Variants in FHIP2A observed in about 807,000 individuals in gnomAD.
The protein encoded by FHIP2A is family with sequence similarity 160 member B1.
In FHIP2A, 46 loss-of-function variants were observed where a neutral mutation model predicts 93.5. That is an observed-to-expected ratio of 0.49 (90% CI 0.39 to 0.63). The LOEUF is 0.63. Among genes scored for constraint, FHIP2A ranks in the 20% least tolerant of loss-of-function variants. The pLI, the probability that FHIP2A is intolerant of heterozygous loss-of-function variation, is 0.00. For synonymous variants in FHIP2A, 332 were observed against 326.5 expected (o/e 1.02, Z -0.18); for missense variants, 769 against 909.7 (o/e 0.85, Z 1.99).
chr10:114,886,804 C>A lies in FHIP2A; in HGVS notation c.2193-12686C>A, dbSNP rs2083945620. ...AGGTGATCTGCCCACCTCAGCCTCC[C>A]AAAGTACTGTGAGCCACTGCACCTG... is the stretch of plus-strand genomic sequence containing the variant. On this transcript the variant is annotated intron_variant, in intron 16 of 16. Transcript: ENST00000369250. Among the ~76,000 whole-genome samples the A allele has an allele frequency of 2.6e-5, 4 of 151,992 alleles. No homozygotes were observed. The South Asian group carries it at 8.3e-4, about 32-fold the overall frequency.
rs1255426497 is a variant in FHIP2A at position 114,846,552 on chromosome 10, G to A, written c.1399-7G>A. ...TTTCAGTTAGCTTTTATCAATTTTG[G>A]TTTCAGATAAGCATAATGACATTAC... On this transcript the variant is annotated splice_polypyrimidine_tract_variant and splice_region_variant and intron_variant, in intron 10 of 16. Coordinates refer to ENST00000369248, the MANE Select transcript of FHIP2A (RefSeq NM_020940.4). The A allele has an allele frequency of 7.0e-6, 11 of 1,573,828 alleles. No homozygotes were observed. The highest frequency in any genetic ancestry group is 9.4e-6 in the Non-Finnish European group (11 of 1,164,180).
intron 16 of FHIP2A, among the ~76,000 whole-genome samples, chr10:114,873,046 C>T (rs1385400923): frequency 1.3e-5 from 2 of 152,210 alleles, no homozygotes; most frequent in African/African-American, 4.8e-5. Context: ...GCAGCACCAC[C>T]TCTAAAGCTG....
intron 5 of FHIP2A, among the ~76,000 whole-genome samples, chr10:114,836,497 G>T (rs1465093869): frequency 6.6e-6 from 1 of 152,126 alleles, no homozygotes; most frequent in Non-Finnish European, 1.5e-5. Context: ...GCTTAAAAGA[G>T]GACAGCTTGA....
chr10:114,867,080 G>A (rs1592028322), downstream of FHIP2A, among the ~76,000 whole-genome samples: 3 of 152,092 alleles, frequency 2.0e-5, no homozygotes, highest in East Asian at 1.9e-4. Flanking sequence ...ATGGTGGCAC[G>A]TGCCTGTAAT....
intron 9 of FHIP2A, 23 bp downstream of exon 9, chr10:114,846,112 A>C: frequency 1.2e-6 from 2 of 1,612,818 alleles, no homozygotes; most frequent in Non-Finnish European, 1.7e-6. Flanking sequence ...TTTTCTTTTG[A>C]AAAAAACCGC....
At chr10:114,822,159 G>T (rs1399765426) in intron 1 of FHIP2A, 36 bp downstream of exon 1, 1 of 1,247,720 alleles carries the variant, frequency 8.0e-7, no homozygotes, top group Non-Finnish European at 1.0e-6. Context: ...GGCAGGCCGG[G>T]GATGGCGGCG....
chr10:114,829,841 C>T (rs905070845), intron 1 of FHIP2A, among the ~76,000 whole-genome samples: 4 of 152,222 alleles, frequency 2.6e-5, no homozygotes, highest in African/African-American at 9.6e-5. Flanking sequence ...ATCCATTTAA[C>T]ACACACTTGA....
intron 5 of FHIP2A, among the ~76,000 whole-genome samples, chr10:114,840,500 C>T (rs1258996921): frequency 6.6e-6 from 1 of 152,194 alleles, no homozygotes; most frequent in Non-Finnish European, 1.5e-5. Context: ...AAATTGGCAG[C>T]AGCCTTTTAT....
At position 114,863,462 on chromosome 10, in the gene FHIP2A, T is replaced by G; in HGVS notation, c.*1922T>G. ...TCCTTGATTCCACTATGGGACCTTA[T>G]AACTAGTCCATGAAACCAAGCTCAG... is the stretch of plus-strand genomic sequence containing the variant. On this transcript the variant is annotated 3_prime_UTR_variant, in exon 17 of 17. Coordinates refer to ENST00000369248, the MANE Select transcript of FHIP2A (RefSeq NM_020940.4). The G allele has an allele frequency of 8.9e-7, 1 of 1,123,164 alleles. No homozygotes were observed. Among genetic ancestry groups the G allele is most frequent in the Non-Finnish European group, 1.1e-6 (1 of 910,902 alleles). 69.6% of individuals were successfully genotyped at this position (1,123,164 alleles called of 1,614,324 possible).
At chr10:114,883,858 G>C (rs1471579710) in intron 16 of FHIP2A, among the ~76,000 whole-genome samples, 1 of 152,136 alleles carries the variant, frequency 6.6e-6, no homozygotes, top group Non-Finnish European at 1.5e-5. Context: ...GAGATTACGG[G>C]TATGAGCCAC....
rs2143011488 is a variant in FHIP2A at position 114,846,346 on chromosome 10, T to C, written c.1377T>C (p.His459=). 5.0e-6 allele frequency: 8 copies of C among 1,614,020 alleles called. No homozygotes were observed. Among genetic ancestry groups the C allele is most frequent in the South Asian group, 2.2e-5 (2 of 91,068 alleles). ...RHPLRHRLIE[H]CDHISDEISI... ...CTTTAAGGCATAGGTTAATTGAACA[T>C]TGTGATCACATATCTGATGAGGTAA... Residue 459 remains histidine, a synonymous_variant, in exon 10 of 17, where the codon CAT becomes CAC. Transcript: ENST00000369248.
At chr10:114,845,309 G>A in intron 7 of FHIP2A, 58 bp from the exon 8 acceptor site, 1 of 956,170 alleles carries the variant, frequency 1.0e-6, no homozygotes, top group Non-Finnish European at 1.7e-6. Flanking sequence ...CATACATTCT[G>A]AATAGGGTCC....
chr10:114,845,621 T>G (rs1238226412), intron 8 of FHIP2A, 140 bp downstream of exon 8: 2 of 612,828 alleles, frequency 3.3e-6, no homozygotes, highest in East Asian at 5.6e-5. Context: ...AACAAAAAAG[T>G]GTATATGTGT....
Position 114,846,695 on chromosome 10 carries a change from A to G in FHIP2A, c.1535A>G (p.Asp512Gly), listed in dbSNP as rs1293697420. 1 of 1,606,356 alleles carries G rather than the reference A, an allele frequency of 6.2e-7. No individual in the cohort carries two copies. Among genetic ancestry groups the G allele is most frequent in the Admixed American group, 1.7e-5 (1 of 58,040 alleles). ...AAACCTTTGTGCCCAGAAGATAAAGATGTGGTAGAAAATGGATTGATAGCA... is the reference window on the plus strand; with the variant it reads ...AAACCTTTGTGCCCAGAAGATAAAGGTGTGGTAGAAAATGGATTGATAGCA... ...EYKPLCPEDK[D>G]VVENGLIAGA... The change falls in exon 11 of 17, where the codon GAT (aspartate) becomes GGT (glycine). Residue 512 changes from aspartate (D) to glycine (G), a missense_variant. Asp to Gly is a moderately conservative substitution (Grantham distance 94, BLOSUM62 -1). Coordinates refer to ENST00000369248, the MANE Select transcript of FHIP2A (RefSeq NM_020940.4).
chr10:114,895,734 T>C (rs1054895072), intron 16 of FHIP2A, among the ~76,000 whole-genome samples: 1 of 152,154 alleles, frequency 6.6e-6, no homozygotes, highest in African/African-American at 2.4e-5. Context: ...AGGTGTTATA[T>C]CCATGTCTGG....
intron 16 of FHIP2A, among the ~76,000 whole-genome samples, chr10:114,877,613 T>C (rs1055115762): frequency 1.3e-5 from 2 of 152,070 alleles, no homozygotes; most frequent in Non-Finnish European, 2.9e-5. Context: ...TTTTTAAAGC[T>C]CCCCAGTGAT....
chr10:114,824,880 C>T (rs1316623394), intron 1 of FHIP2A, among the ~76,000 whole-genome samples: 5 of 152,148 alleles, frequency 3.3e-5, no homozygotes, highest in African/African-American at 1.2e-4. Flanking sequence ...CAGAAAATAC[C>T]TGGATGCTGA....
rs186783726 is a variant in FHIP2A, at chr10:114,864,028, G to A, written c.*2488G>A. ...CACCTTATAACTATGTAACTTTCTC[G>A]TAATGTATCTGTTTGTGCAATATGG... is the stretch of plus-strand genomic sequence containing the variant. On this transcript the variant is annotated 3_prime_UTR_variant, in exon 17 of 17. Coordinates refer to ENST00000369248, the MANE Select transcript of FHIP2A (RefSeq NM_020940.4). 33 of 995,770 alleles carry A rather than the reference G, an allele frequency of 3.3e-5. No homozygotes were observed. In the Admixed American group the frequency reaches 7.3e-4, roughly 22 times the overall value. 61.7% of individuals were successfully genotyped at this position (995,770 alleles called of 1,614,324 possible).
intron 16 of FHIP2A, among the ~76,000 whole-genome samples, chr10:114,889,206 T>A (rs1033416097): frequency 1.3e-5 from 2 of 151,956 alleles, no homozygotes; most frequent in Admixed American, 6.6e-5. Context: ...GCCAAAAAAA[T>A]TTAGGACAAA....
Sources: allele counts gnomAD v4.1 joint callset (sites outside exome capture counted in the v4.1 genomes callset), GRCh38; gene constraint gnomAD v4.1.1; transcripts MANE v1.5; gene names NCBI Gene and HGNC (gene_info 2026-07-23, HGNC 2026-07-21).